The following RPS6KC1 variants were observed in gnomAD, a reference collection of about 807,000 sequenced individuals.
RPS6KC1 encodes the protein inactive ribosomal protein S6 kinase delta-1.
Under a neutral mutation model 103.8 loss-of-function variants are expected in RPS6KC1, and 54 were observed. The ratio of observed to expected loss-of-function variants is 0.52; its 90% CI spans 0.42 to 0.65. The LOEUF (loss-of-function observed/expected upper bound fraction) is 0.65. Ranked by LOEUF, RPS6KC1 falls within the 30% of genes least tolerant of loss-of-function variation. The pLI is 0.00. For synonymous variants in RPS6KC1, 439 were observed against 438.7 expected (o/e 1.00, Z -0.01); for missense variants, 1,151 against 1,253.8 (o/e 0.92, Z 1.24).
At chr1:213,407,148 C>T in the RPS6KC1 span, among the ~76,000 whole-genome samples, 1 of 151,972 alleles carries the variant, frequency 6.6e-6, no homozygotes, top group Non-Finnish European at 1.5e-5. Flanking sequence ...TCCAGGACTG[C>T]ATCTGGGTTT....
At chr1:213,147,681 T>A (rs530479236) in intron 6 of RPS6KC1, among the ~76,000 whole-genome samples, 20 of 152,316 alleles carry the variant, frequency 1.3e-4, no homozygotes, top group Middle Eastern at 6.8e-3. Flanking sequence ...CTATTCTGGA[T>A]CTTTTGTGGT....
At chr1:213,172,678 T>C (rs960149450) in intron 7 of RPS6KC1, among the ~76,000 whole-genome samples, 1 of 152,034 alleles carries the variant, frequency 6.6e-6, no homozygotes, top group African/African-American at 2.4e-5. Flanking sequence ...AGCATTGTAT[T>C]GAGAAGAGTT....
the RPS6KC1 span, among the ~76,000 whole-genome samples, chr1:213,647,236 G>GATTTGA: frequency 6.6e-6 from 1 of 152,112 alleles, no homozygotes; most frequent in Non-Finnish European, 1.5e-5. Flanking sequence ...TTTGAATCAT[G>GATTTGA]ATTTGAAGGA....
At chr1:213,555,273 T>G in the RPS6KC1 span, among the ~76,000 whole-genome samples, 1 of 152,144 alleles carries the variant, frequency 6.6e-6, no homozygotes, top group Non-Finnish European at 1.5e-5. Flanking sequence ...ATTTCCCCCA[T>G]GCCCACTCCC....
At chr1:213,800,776 T>A in the RPS6KC1 span, among the ~76,000 whole-genome samples, 1 of 152,230 alleles carries the variant, frequency 6.6e-6, no homozygotes, top group Non-Finnish European at 1.5e-5. Flanking sequence ...TCTGAGAGCA[T>A]CAAAGTTACT....
At chr1:213,857,598 C>T in the RPS6KC1 span, among the ~76,000 whole-genome samples, 9 of 152,292 alleles carry the variant, frequency 5.9e-5, no homozygotes, top group Admixed American at 5.9e-4. Flanking sequence ...CTAACAGGCC[C>T]ATTGAAGTAA....
intron 3 of RPS6KC1, among the ~76,000 whole-genome samples, chr1:213,078,231 CT>C (rs11416944): frequency 0.042 from 5,389 of 128,300 alleles, 220 homozygotes; most frequent in African/African-American, 0.14. Flanking sequence ...CCTTAGTATT[CT>C]TTTTTTTTTT....
downstream of RPS6KC1, among the ~76,000 whole-genome samples, chr1:213,278,072 G>T (rs1304563508): frequency 6.6e-6 from 1 of 152,006 alleles, no homozygotes; most frequent in East Asian, 1.9e-4. Flanking sequence ...GGGCACGGTG[G>T]CACGAACCTA....
the RPS6KC1 span, among the ~76,000 whole-genome samples, chr1:213,337,986 G>A: frequency 5.3e-5 from 8 of 152,152 alleles, no homozygotes; most frequent in African/African-American, 1.9e-4. Flanking sequence ...TGGCGTGTGT[G>A]TCTGCATGTG....
chr1:213,666,067 C>G, the RPS6KC1 span, among the ~76,000 whole-genome samples: 1 of 152,178 alleles, frequency 6.6e-6, no homozygotes, highest in East Asian at 1.9e-4. Context: ...ATGACCCCCT[C>G]TCGGCAGTGG....
chr1:213,646,126 ACTTG>A, the RPS6KC1 span, among the ~76,000 whole-genome samples: 431 of 152,366 alleles, frequency 2.8e-3, 1 homozygote, highest in African/African-American at 0.01. Context: ...AAGTTTTATA[ACTTG>A]TGGTAAACAT....
At chr1:213,643,613 C>G in the RPS6KC1 span, among the ~76,000 whole-genome samples, 4 of 151,448 alleles carry the variant, frequency 2.6e-5, no homozygotes, top group African/African-American at 9.7e-5. Context: ...TTTTAGTATT[C>G]CCCTCCCTCC....
At chr1:213,078,275 A>T (rs1025918340) in intron 3 of RPS6KC1, among the ~76,000 whole-genome samples, 1 of 144,928 alleles carries the variant, frequency 6.9e-6, no homozygotes, top group Admixed American at 6.9e-5. Context: ...ATACCTAGGT[A>T]ACAGTATTTT....
At chr1:213,237,116 C>T (rs1291803743) in intron 10 of RPS6KC1, among the ~76,000 whole-genome samples, 1 of 151,998 alleles carries the variant, frequency 6.6e-6, no homozygotes, top group Non-Finnish European at 1.5e-5. Flanking sequence ...CTTGAGCTTG[C>T]ATTTTTTCCC....
At chr1:213,570,591 A>G in the RPS6KC1 span, among the ~76,000 whole-genome samples, 1 of 152,196 alleles carries the variant, frequency 6.6e-6, no homozygotes, top group South Asian at 2.1e-4. Flanking sequence ...GCCAGTGAAG[A>G]ACTTTTCATT....
At chr1:213,052,173 T>A (rs149652284) in intron 1 of RPS6KC1, among the ~76,000 whole-genome samples, 3,385 of 152,302 alleles carry the variant, frequency 0.022, 57 homozygotes, top group Admixed American at 0.042. Context: ...GTTTCATTGC[T>A]TTTGCCTTGA....
chr1:213,225,993 G>A (rs2093951779), intron 8 of RPS6KC1, among the ~76,000 whole-genome samples: 1 of 152,108 alleles, frequency 6.6e-6, no homozygotes, highest in African/African-American at 2.4e-5. Context: ...GGATGCCGAG[G>A]CGGGCGGATC....
At chr1:213,541,720 G>C in the RPS6KC1 span, among the ~76,000 whole-genome samples, 1 of 152,180 alleles carries the variant, frequency 6.6e-6, no homozygotes, top group Non-Finnish European at 1.5e-5. Flanking sequence ...TGTCTAGTGG[G>C]AGAGACAGCT....
intron 3 of RPS6KC1, among the ~76,000 whole-genome samples, chr1:213,093,709 A>G (rs1032083478): frequency 1.3e-5 from 2 of 152,190 alleles, no homozygotes; most frequent in Non-Finnish European, 2.9e-5. Flanking sequence ...GATCTTATAC[A>G]AATTAATATC....
Sources: allele counts gnomAD v4.1 joint callset (sites outside exome capture counted in the v4.1 genomes callset), GRCh38; gene constraint gnomAD v4.1.1; transcripts MANE v1.5; gene names NCBI Gene and HGNC (gene_info 2026-07-23, HGNC 2026-07-21).